The following CHN2 variants were observed in gnomAD, a reference collection of about 807,000 sequenced individuals.
The protein encoded by CHN2 is chimerin 2.
CHN2 carries 35 observed loss-of-function variants against 56.3 expected under a neutral mutation model. The ratio of observed to expected loss-of-function variants is 0.62; its 90% confidence interval spans 0.47 to 0.82. CHN2 has a LOEUF of 0.82. CHN2 is among the 40% of genes least tolerant of loss of function. The probability of loss-of-function intolerance (pLI) is 0.00; values close to 1 mark genes in which losing one functional copy is unlikely to be tolerated. For missense variants in CHN2, 491 were observed against 580.5 expected, an observed-to-expected ratio of 0.85 and a Z score of 1.58; for synonymous variants, 210 against 212.8, an observed-to-expected ratio of 0.99 and a Z score of 0.12.
chr7:29,381,418 A>T (rs1354287731), intron 3 of CHN2, among the ~76,000 whole-genome samples: 2 of 152,200 alleles, frequency 1.3e-5, no homozygotes, highest in African/African-American at 4.8e-5. Context: ...TTGAGAGCCA[A>T]CATATGGAGC....
intron 1 of CHN2, among the ~76,000 whole-genome samples, chr7:29,271,686 C>T (rs1322910425): frequency 6.6e-6 from 1 of 152,148 alleles, no homozygotes; most frequent in Non-Finnish European, 1.5e-5. Flanking sequence ...ATTGGTTATC[C>T]AGTGTTGTGA....
intron 1 of CHN2, among the ~76,000 whole-genome samples, chr7:29,232,618 TA>T (rs1166062968): frequency 1.3e-5 from 2 of 152,240 alleles, no homozygotes; most frequent in African/African-American, 4.8e-5. Context: ...AGTGATCTGA[TA>T]TATTTATTTC....
chr7:29,490,155 C>G (rs1788502833), intron 7 of CHN2, among the ~76,000 whole-genome samples: 1 of 150,104 alleles, frequency 6.7e-6, no homozygotes, highest in Non-Finnish European at 1.5e-5. Flanking sequence ...AAAAGAATGC[C>G]TTTCAAAACC....
At chr7:29,197,279 G>A (rs1172341424) in intron 1 of CHN2, among the ~76,000 whole-genome samples, 1 of 152,158 alleles carries the variant, frequency 6.6e-6, no homozygotes, top group African/African-American at 2.4e-5. Context: ...GAAGGCTAAG[G>A]GGGAAAGATA....
intron 9 of CHN2, among the ~76,000 whole-genome samples, chr7:29,503,993 T>G (rs1790266845): frequency 6.6e-6 from 1 of 152,240 alleles, no homozygotes; most frequent in African/African-American, 2.4e-5. Flanking sequence ...AGCCTAAATT[T>G]GCAGTGATCC....
intron 6 of CHN2, among the ~76,000 whole-genome samples, chr7:29,468,837 A>G (rs1785789880): frequency 6.6e-6 from 1 of 151,846 alleles, no homozygotes; most frequent in South Asian, 2.1e-4. Context: ...CTAGTTCTCA[A>G]TTTTCTGACC....
intron 1 of CHN2, among the ~76,000 whole-genome samples, chr7:29,235,044 G>A (rs192168402): frequency 3.9e-4 from 60 of 152,330 alleles, no homozygotes; most frequent in African/African-American, 1.4e-3. Context: ...AGGGATGAGA[G>A]ATGCCAATGA....
chr7:29,371,656 C>CAT (rs1204365593), intron 3 of CHN2, among the ~76,000 whole-genome samples: 1 of 152,114 alleles, frequency 6.6e-6, no homozygotes, highest in Non-Finnish European at 1.5e-5. Flanking sequence ...CACCTCTATC[C>CAT]ACCTGTCCAC....
chr7:29,174,723 G>A (rs184301993), intron 2 of CHN2, among the ~76,000 whole-genome samples: 10 of 152,106 alleles, frequency 6.6e-5, no homozygotes, highest in African/African-American at 2.2e-4. Flanking sequence ...AGCTGGGCAC[G>A]GTGGCACACA....
intron 1 of CHN2, among the ~76,000 whole-genome samples, chr7:29,223,856 A>G (rs1785986612): frequency 1.3e-5 from 2 of 152,176 alleles, no homozygotes; most frequent in Non-Finnish European, 2.9e-5. Flanking sequence ...AAGTGCTTTC[A>G]CTAGTTTGCC....
Position 29,231,016 on chromosome 7 carries a change from G to T in CHN2, c.49+36026G>T, listed in dbSNP as rs565089459. 5.3e-5 allele frequency among the ~76,000 whole-genome samples: 8 copies of T among 152,322 alleles called. No individual in the cohort carries two copies. The East Asian group carries it at 9.7e-4, about 18-fold the overall frequency. The stretch of plus-strand genomic sequence containing the variant: ...TACAGCAAGGTTTCTTGTCTGGTCT[G>T]TGATCACACAGCCAGGAATTCATAA... On this transcript the variant is annotated intron_variant, in intron 1 of 12. Coordinates refer to ENST00000222792, the MANE Select transcript of CHN2 (RefSeq NM_004067.4).
chr7:29,502,826 C>T (rs1343590490), intron 9 of CHN2, among the ~76,000 whole-genome samples: 2 of 151,948 alleles, frequency 1.3e-5, no homozygotes, highest in Non-Finnish European at 2.9e-5. Flanking sequence ...TGATTTGCTG[C>T]ACCTATCAAC....
chr7:29,234,146 T>A lies in CHN2; in HGVS notation c.49+39156T>A, dbSNP rs1337783012. 5.3e-5 allele frequency among the ~76,000 whole-genome samples: 8 copies of A among 152,274 alleles called. No individual in the cohort carries two copies. The South Asian group carries it at 8.3e-4, about 16-fold the overall frequency. ...CCGCGCCCGGCCAACACCTTGATTT[T>A]ACCTTGAACGATTTCAGACTTCAGA... On this transcript the variant is annotated intron_variant, in intron 1 of 12. Transcript: ENST00000222792.
At chr7:29,386,314 T>C (rs1585226304) in intron 3 of CHN2, among the ~76,000 whole-genome samples, 1 of 152,296 alleles carries the variant, frequency 6.6e-6, no homozygotes, top group Non-Finnish European at 1.5e-5. Flanking sequence ...ATTGCCCCAG[T>C]ATCACCAGCA....
intron 6 of CHN2, among the ~76,000 whole-genome samples, chr7:29,417,088 A>G (rs1178997267): frequency 6.6e-6 from 1 of 152,156 alleles, no homozygotes; most frequent in Non-Finnish European, 1.5e-5. Context: ...CTACCTCTGC[A>G]GCGCGTCCTC....
Position 29,341,219 on chromosome 7 carries a change from G to T in CHN2, c.50-13406G>T, listed in dbSNP as rs189062033. Reference sequence around the variant, plus strand: ...CCCTCTCTAGAGCTCCCTCCTTCACGTGTGGAGGTACAGTCGGTAGCCCTC... The same window carrying T: ...CCCTCTCTAGAGCTCCCTCCTTCACTTGTGGAGGTACAGTCGGTAGCCCTC... On this transcript the variant is annotated intron_variant, in intron 1 of 12. Transcript: ENST00000222792. 3.5e-3 allele frequency among the ~76,000 whole-genome samples: 532 copies of T among 150,600 alleles called. 11 individuals are homozygous for T. Among genetic ancestry groups the T allele is most frequent in the East Asian group, 1.6e-3 (8 of 5,142 alleles).
At chr7:29,156,838 A>G (rs1480776068) in intron 2 of CHN2, among the ~76,000 whole-genome samples, 1 of 152,158 alleles carries the variant, frequency 6.6e-6, no homozygotes, top group Admixed American at 6.5e-5. Flanking sequence ...TGGATTATGC[A>G]CCTGGAGATC....
chr7:29,238,297 C>T lies in CHN2; in HGVS notation c.49+43307C>T, dbSNP rs985757766. Among the ~76,000 whole-genome samples the T allele has an allele frequency of 5.3e-5, 8 of 152,134 alleles. No individual in the cohort carries two copies. In the East Asian group the frequency reaches 9.7e-4, roughly 18 times the overall value. The stretch of plus-strand genomic sequence containing the variant: ...CCTCCCAAAGTGCTGGGATTACAGG[C>T]GTGAGCCACCGCACCCGCCCATATA... On this transcript the variant is annotated intron_variant, in intron 1 of 12. Coordinates refer to ENST00000222792, the MANE Select transcript of CHN2 (RefSeq NM_004067.4).
chr7:29,191,497 G>A (rs146342833), upstream of CHN2: 7 of 152,336 alleles, frequency 4.6e-5, no homozygotes, highest in African/African-American at 1.7e-4. Flanking sequence ...CCATGAAAGA[G>A]GGTTGCCTTT....
Sources: gnomAD v4.1 joint callset for allele counts (sites outside exome capture counted in the v4.1 genomes callset) on GRCh38, gnomAD v4.1.1 for gene constraint, MANE v1.5 for transcripts, NCBI Gene and HGNC (gene_info 2026-07-23, HGNC 2026-07-21) for gene names.